The following USP15 variants were observed in gnomAD, a reference collection of about 807,000 sequenced individuals.
USP15 encodes ubiquitin specific peptidase 15, also known as ubiquitin carboxyl-terminal hydrolase 15.
A neutral mutation model predicts 127.1 loss-of-function variants in USP15; 18 were observed. The ratio of observed to expected loss-of-function variants is 0.14; its 90% CI spans 0.10 to 0.21. The LOEUF is 0.21. Ranked by LOEUF, USP15 falls within the 10% of genes least tolerant of loss-of-function variation. USP15 has a pLI of 1.00. For missense variants in USP15, 805 were observed against 1,159.9 expected (o/e 0.69, Z 4.44); for synonymous variants, 364 against 393.7 (o/e 0.92, Z 0.89).
chr12:62,355,825 CTT>C (rs201572809), intron 8 of USP15, among the ~76,000 whole-genome samples: 5 of 124,384 alleles, frequency 4.0e-5, no homozygotes, highest in Admixed American at 8.2e-5. Flanking sequence ...CTTTTTTTTT[CTT>C]TTTTTTTTTT....
In USP15 at chr12:62,321,485, G is replaced by A; in HGVS notation, c.497G>A (p.Arg166Lys). ...DTIDTIEKEI[R>K]KIFSIPDEKE... ...CTAGATACAATTGAAAAGGAAATAA[G>A]AAAAATCTTCAGTATTCCAGATGAA... The change falls in exon 5 of 22, where the codon AGA (arginine) becomes AAA (lysine). Residue 166 changes from arginine to lysine, a missense_variant. Physicochemically the swap from Arg to Lys is conservative, Grantham distance 26. Transcript: ENST00000280377. 2 of 1,587,682 alleles carry A rather than the reference G, an allele frequency of 1.3e-6. No individual in the cohort carries two copies. Among genetic ancestry groups the A allele is most frequent in the Non-Finnish European group, 8.6e-7 (1 of 1,164,996 alleles).
chr12:62,358,631 G>A (rs569599815), intron 8 of USP15, among the ~76,000 whole-genome samples: 31 of 152,066 alleles, frequency 2.0e-4, no homozygotes, highest in African/African-American at 4.6e-4. Flanking sequence ...CAGGAGAATC[G>A]CTTGAACCCG....
At chr12:62,322,632 TG>T (rs2065016225) in intron 5 of USP15, among the ~76,000 whole-genome samples, 2 of 152,182 alleles carry the variant, frequency 1.3e-5, no homozygotes, top group South Asian at 2.1e-4. Flanking sequence ...TTTGTTTTTT[TG>T]TTATTAGCAG....
At chr12:62,291,134 C>T (rs1268187264) in intron 1 of USP15, among the ~76,000 whole-genome samples, 1 of 152,140 alleles carries the variant, frequency 6.6e-6, no homozygotes, top group Non-Finnish European at 1.5e-5. Flanking sequence ...ATGTCTAGAT[C>T]ACTTGCTGGA....
chr12:62,300,335 A>G (rs2064272690), intron 2 of USP15, among the ~76,000 whole-genome samples: 1 of 152,150 alleles, frequency 6.6e-6, no homozygotes, highest in Non-Finnish European at 1.5e-5. Context: ...TATGGTGTGC[A>G]GTAGTGTTCT....
intron 8 of USP15, among the ~76,000 whole-genome samples, chr12:62,371,435 GT>G (rs554766681): frequency 6.6e-6 from 1 of 152,064 alleles, no homozygotes; most frequent in Non-Finnish European, 1.5e-5. Flanking sequence ...GTAGAACAGT[GT>G]TTTTTACAAT....
intron 7 of USP15, 173 bp from the exon 8 acceptor site, chr12:62,355,158 C>T (rs2066080976): frequency 1.9e-6 from 1 of 534,450 alleles, no homozygotes; most frequent in East Asian, 3.1e-5. Flanking sequence ...TATCTTAATT[C>T]AGGGTGAGTT....
At chr12:62,333,289 A>G (rs942356761) in intron 6 of USP15, among the ~76,000 whole-genome samples, 2 of 152,130 alleles carry the variant, frequency 1.3e-5, no homozygotes, top group Non-Finnish European at 2.9e-5. Flanking sequence ...GTTTTAAGAC[A>G]GGACCTCACT....
Position 62,326,068 on chromosome 12 carries a change from T to G in USP15, c.683+135T>G, listed in dbSNP as rs1026383320. On this transcript the variant is annotated intron_variant, in intron 6 of 21. Coordinates refer to ENST00000280377, the MANE Select transcript of USP15 (RefSeq NM_001252078.2). ...GCCTTGTTTATATTTGAGTATTTTG[T>G]TCTTAGTATACAAGCTATCTAAATT... 4 of 698,622 alleles carry G rather than the reference T, an allele frequency of 5.7e-6. No homozygotes were observed. The African/African-American group carries it at 7.2e-5, about 13-fold the overall frequency. 43.3% of individuals were successfully genotyped at this position (698,622 alleles called of 1,614,324 possible). A position where few individuals can be genotyped will look rare whatever the true frequency, so the allele number is the denominator to read the frequency against.
In USP15 at chr12:62,288,344, CT is replaced by C. The variant is rs34110065; in HGVS notation, c.90-5816del. ...ATTAGATGTGTTCCCTGGCATTTTA[CT>C]TTTTTTTTTTTTTTTTTTGGTAGCT... is the stretch of plus-strand genomic sequence containing the variant. On this transcript the variant is annotated intron_variant, in intron 1 of 21. Coordinates refer to ENST00000280377, the MANE Select transcript of USP15 (RefSeq NM_001252078.2). 3.0e-3 allele frequency among the ~76,000 whole-genome samples: 342 copies of C among 114,450 alleles called. 2 individuals carry two copies. The highest frequency in any genetic ancestry group is 4.8e-3 in the East Asian group (19 of 3,988). The allele number at this position is 114,450 out of a possible 152,430, so 75.1% of individuals were successfully genotyped here. A position where few individuals can be genotyped will look rare whatever the true frequency, so the allele number is the denominator to read the frequency against.
chr12:62,364,465 G>C (rs956311868), intron 8 of USP15, among the ~76,000 whole-genome samples: 1 of 152,160 alleles, frequency 6.6e-6, no homozygotes, highest in Non-Finnish European at 1.5e-5. Flanking sequence ...GAAAGAGAAA[G>C]GGGCAAAGGA....
intron 2 of USP15, among the ~76,000 whole-genome samples, chr12:62,298,878 C>T (rs1429147897): frequency 2.9e-5 from 4 of 139,172 alleles, no homozygotes; most frequent in African/African-American, 1.1e-4. Context: ...ATGGCTGAAA[C>T]TTCCTGAAAC....
At position 62,389,780 on chromosome 12, in the gene USP15, C is replaced by T. The variant is rs764250383; in HGVS notation, c.1653-17C>T. The stretch of plus-strand genomic sequence containing the variant: ...ACATAAAATTTTGAGAGTTTATGGT[C>T]AGTTTTGTCCTTGTAGGTTTGAAAT... On this transcript the variant is annotated splice_polypyrimidine_tract_variant and intron_variant, in intron 13 of 21. Transcript: ENST00000280377. 6.2e-7 allele frequency: 1 copy of T among 1,601,810 alleles called. No homozygotes were observed.
chr12:62,368,201 C>T (rs1344175767), intron 8 of USP15, among the ~76,000 whole-genome samples: 1 of 152,116 alleles, frequency 6.6e-6, no homozygotes, highest in Non-Finnish European at 1.5e-5. Context: ...CGTTCTTTTG[C>T]ATTTGCTGAG....
At chr12:62,296,493 A>G (rs1463792679) in intron 2 of USP15, among the ~76,000 whole-genome samples, 1 of 152,226 alleles carries the variant, frequency 6.6e-6, no homozygotes, top group Admixed American at 6.5e-5. Context: ...ATAATGACTA[A>G]TGGGATGGGA....
At chr12:62,265,682 A>T (rs998273155) in intron 1 of USP15, among the ~76,000 whole-genome samples, 1 of 152,110 alleles carries the variant, frequency 6.6e-6, no homozygotes, top group Non-Finnish European at 1.5e-5. Context: ...AAATAGCTGG[A>T]ACTACAGGTG....
chr12:62,280,844 A>G (rs1380941925), intron 1 of USP15, among the ~76,000 whole-genome samples: 4 of 152,320 alleles, frequency 2.6e-5, no homozygotes, highest in Admixed American at 2.0e-4. Context: ...CTAAAGAGGT[A>G]GCTAGGGATT....
chr12:62,380,956 T>G (rs2066974731), intron 8 of USP15, among the ~76,000 whole-genome samples: 1 of 152,092 alleles, frequency 6.6e-6, no homozygotes, highest in African/African-American at 2.4e-5. Context: ...TACTAAAGTT[T>G]GTTCTCTCAG....
At chr12:62,374,622 G>A (rs1015472231) in intron 8 of USP15, 2 of 956,846 alleles carry the variant, frequency 2.1e-6, no homozygotes, top group Admixed American at 1.2e-4. Flanking sequence ...GAAGACTTGA[G>A]ATTTGGTTAT....
Sources: allele counts gnomAD v4.1 joint callset (sites outside exome capture counted in the v4.1 genomes callset), GRCh38; gene constraint gnomAD v4.1.1; transcripts MANE v1.5; gene names NCBI Gene and HGNC (gene_info 2026-07-23, HGNC 2026-07-21).